The following STPG2 variants were observed in gnomAD, a reference collection of about 807,000 sequenced individuals.
STPG2 encodes sperm tail PG-rich repeat containing 2, also known as sperm-tail PG-rich repeat-containing protein 2.
In STPG2, 56 loss-of-function variants were observed where a neutral mutation model predicts 54.2. The observed-to-expected ratio is 1.03, with a 90% CI of 0.83 to 1.29. STPG2 has a LOEUF of 1.29. Ranked by LOEUF, STPG2 falls within the 50% of genes most tolerant of loss-of-function variation. The pLI, the probability that STPG2 is intolerant of heterozygous loss-of-function variation, is 0.00. For synonymous variants in STPG2, 200 were observed against 181.8 expected (o/e 1.10, Z -0.81); for missense variants, 596 against 544.9 (o/e 1.09, Z -0.93).
chr4:97,979,789 A>G (rs1318066928), intron 6 of STPG2, among the ~76,000 whole-genome samples: 2 of 148,982 alleles, frequency 1.3e-5, no homozygotes, highest in African/African-American at 5.0e-5. Flanking sequence ...CAGTGGCACT[A>G]TCTCGGCTCA....
chr4:97,605,193 T>C (rs1733563488), intron 10 of STPG2, among the ~76,000 whole-genome samples: 1 of 151,834 alleles, frequency 6.6e-6, no homozygotes, highest in Non-Finnish European at 1.5e-5. Flanking sequence ...ATTACCTTTT[T>C]AGCTTTTACA....
chr4:97,482,870 C>A (rs751764496), intron 4 of STPG2, among the ~76,000 whole-genome samples: 12 of 151,638 alleles, frequency 7.9e-5, no homozygotes, highest in Admixed American at 1.3e-4. Flanking sequence ...TCAGCAGAAA[C>A]CCTACAAGCT....
chr4:97,958,660 A>C (rs562115404), intron 7 of STPG2, among the ~76,000 whole-genome samples: 1 of 152,228 alleles, frequency 6.6e-6, no homozygotes, highest in Admixed American at 6.5e-5. Context: ...GCCTTGTCCA[A>C]CAGGAAAATA....
chr4:97,872,237 G>T (rs1316397357), intron 8 of STPG2, among the ~76,000 whole-genome samples: 2 of 151,166 alleles, frequency 1.3e-5, no homozygotes, highest in African/African-American at 4.8e-5. Context: ...AAGAAAAAAG[G>T]TAAGTGTTAC....
chr4:98,017,215 T>G (rs1465770406), intron 5 of STPG2, among the ~76,000 whole-genome samples: 1 of 152,242 alleles, frequency 6.6e-6, no homozygotes, highest in Admixed American at 6.5e-5. Context: ...ACCGGCTTTT[T>G]GCCTGGGTCT....
chr4:97,738,154 G>C (rs1008569525), intron 9 of STPG2, among the ~76,000 whole-genome samples: 11 of 152,036 alleles, frequency 7.2e-5, no homozygotes, highest in Non-Finnish European at 1.5e-5. Context: ...TACAGACAAG[G>C]AAATGCTGAG....
At chr4:97,841,459 G>A (rs577481197) in intron 8 of STPG2, among the ~76,000 whole-genome samples, 1 of 151,586 alleles carries the variant, frequency 6.6e-6, no homozygotes, top group African/African-American at 2.4e-5. Flanking sequence ...AACCCACATG[G>A]ATATTAATAA....
intron 7 of STPG2, among the ~76,000 whole-genome samples, chr4:97,958,342 G>T (rs574314157): frequency 1.6e-4 from 25 of 151,728 alleles, no homozygotes; most frequent in Middle Eastern, 3.4e-3. Flanking sequence ...AAAAACCAAG[G>T]TATACAGGCA....
chr4:97,599,882 T>TA (rs1033395390), intron 10 of STPG2, among the ~76,000 whole-genome samples: 2 of 150,172 alleles, frequency 1.3e-5, no homozygotes, highest in Non-Finnish European at 3.0e-5. Flanking sequence ...ATGTGGCACA[T>TA]ATACTCCATG....
intron 9 of STPG2, among the ~76,000 whole-genome samples, chr4:97,838,806 T>C (rs1034711303): frequency 1.3e-5 from 2 of 151,554 alleles, no homozygotes; most frequent in African/African-American, 2.4e-5. Flanking sequence ...TGTCAGAAGA[T>C]ACAAAATTTC....
At chr4:97,920,012 T>C (rs1732036639) in intron 8 of STPG2, among the ~76,000 whole-genome samples, 1 of 152,190 alleles carries the variant, frequency 6.6e-6, no homozygotes, top group African/African-American at 2.4e-5. Flanking sequence ...AACAATGGAC[T>C]CATGTCCATA....
chr4:97,803,348 C>T (rs1203934545), intron 9 of STPG2, among the ~76,000 whole-genome samples: 1 of 152,084 alleles, frequency 6.6e-6, no homozygotes, highest in Non-Finnish European at 1.5e-5. Flanking sequence ...TTTTTAGAAA[C>T]AATGTGATTG....
chr4:97,833,874 A>T (rs1016429715), intron 9 of STPG2, among the ~76,000 whole-genome samples: 2 of 152,180 alleles, frequency 1.3e-5, no homozygotes, highest in Admixed American at 1.3e-4. Context: ...GATGTTGGAG[A>T]GGATGTGGAG....
intron 3 of STPG2, among the ~76,000 whole-genome samples, chr4:98,124,869 C>A (rs1188468815): frequency 4.6e-5 from 7 of 152,050 alleles, no homozygotes; most frequent in Admixed American, 1.3e-4. Context: ...AGGTTTTGTT[C>A]ATTCCTTTCC....
chr4:98,114,431 G>A (rs58141775), intron 3 of STPG2, among the ~76,000 whole-genome samples: 1 of 151,834 alleles, frequency 6.6e-6, no homozygotes, highest in Non-Finnish European at 1.5e-5. Context: ...TTTCACACAA[G>A]AACATATCTA....
At chr4:97,920,815 A>AGT (rs1163739014) in intron 8 of STPG2, among the ~76,000 whole-genome samples, 1 of 152,134 alleles carries the variant, frequency 6.6e-6, no homozygotes, top group African/African-American at 2.4e-5. Flanking sequence ...TTTTTTACCT[A>AGT]GTGTGTGTGT....
intron 1 of STPG2, among the ~76,000 whole-genome samples, chr4:98,139,224 G>A (rs1740214387): frequency 6.6e-6 from 1 of 152,046 alleles, no homozygotes; most frequent in African/African-American, 2.4e-5. Flanking sequence ...CTACAGCCAC[G>A]GAAATCGAGT....
chr4:97,871,972 G>T lies in STPG2; in HGVS notation c.1045-31040C>A, dbSNP rs549880851. 3.3e-5 allele frequency among the ~76,000 whole-genome samples: 5 copies of T among 151,102 alleles called. No homozygotes were observed. In the East Asian group the frequency reaches 9.7e-4, roughly 29 times the overall value. ...AACAAATGGGGCTTATTCTAAGAAT[G>T]TAATGCTTATTTAAGATTATGAAAT... On this transcript the variant is annotated intron_variant, in intron 8 of 10. Transcript: ENST00000295268.
intron 9 of STPG2, among the ~76,000 whole-genome samples, chr4:97,803,618 G>A (rs1477971510): frequency 6.6e-6 from 1 of 152,166 alleles, no homozygotes; most frequent in African/African-American, 2.4e-5. Flanking sequence ...TCAGCTCACT[G>A]CAACATCTGC....
Sources: gnomAD v4.1 joint callset for allele counts (sites outside exome capture counted in the v4.1 genomes callset) on GRCh38, gnomAD v4.1.1 for gene constraint, MANE v1.5 for transcripts, NCBI Gene and HGNC (gene_info 2026-07-23, HGNC 2026-07-21) for gene names.